The following COL4A2 variants were observed in gnomAD, a reference collection of about 807,000 sequenced individuals.
The protein encoded by COL4A2 is collagen type IV alpha 2 chain, also known as collagen alpha-2(IV) chain.
Under a neutral mutation model 200.2 loss-of-function variants are expected in COL4A2, and 99 were observed. That is an observed-to-expected ratio of 0.49 (90% CI 0.42 to 0.58). COL4A2 has a LOEUF of 0.58. Among genes scored for constraint, COL4A2 ranks in the 20% least tolerant of loss-of-function variants. The pLI, the probability that COL4A2 is intolerant of heterozygous loss-of-function variation, is 0.00. For missense variants in COL4A2, 1,950 were observed against 2,314.1 expected (o/e 0.84, Z 3.23); for synonymous variants, 897 against 900.6 (o/e 1.00, Z 0.07).
chr13:110,496,481 G>A (rs972669761), intron 40 of COL4A2, among the ~76,000 whole-genome samples: 7 of 152,238 alleles, frequency 4.6e-5, no homozygotes, highest in Non-Finnish European at 7.3e-5. Context: ...CTGGGAGGCT[G>A]CATGGTGCTG....
At chr13:110,393,481 C>T (rs550583266) in intron 4 of COL4A2, among the ~76,000 whole-genome samples, 37 of 151,686 alleles carry the variant, frequency 2.4e-4, no homozygotes, top group Non-Finnish European at 4.9e-4. Flanking sequence ...AATTCTTTGT[C>T]TGAGTAGTGA....
chr13:110,330,380 A>G (rs1313325196), intron 3 of COL4A2, among the ~76,000 whole-genome samples: 1 of 152,002 alleles, frequency 6.6e-6, no homozygotes, highest in African/African-American at 2.4e-5. Flanking sequence ...GCGAGTCGGA[A>G]TGAAGCTGGG....
chr13:110,367,676 A>G (rs908645972), intron 4 of COL4A2, among the ~76,000 whole-genome samples: 4 of 152,280 alleles, frequency 2.6e-5, no homozygotes, highest in African/African-American at 9.6e-5. Flanking sequence ...TGAAAGGAAT[A>G]TTGCCGTGGC....
intron 6 of COL4A2, among the ~76,000 whole-genome samples, chr13:110,426,738 TAAGA>T (rs1165688508): frequency 4.6e-5 from 7 of 152,192 alleles, no homozygotes; most frequent in Admixed American, 2.6e-4. Flanking sequence ...TCTAAGCAAG[TAAGA>T]AAGACCAACG....
chr13:110,329,388 G>A (rs1875800323), intron 3 of COL4A2, among the ~76,000 whole-genome samples: 1 of 152,228 alleles, frequency 6.6e-6, no homozygotes, highest in South Asian at 2.1e-4. Flanking sequence ...GGAGAAGGAA[G>A]ATAGAGCCAG....
chr13:110,411,734 G>A (rs1206757810), intron 4 of COL4A2, among the ~76,000 whole-genome samples: 1 of 152,192 alleles, frequency 6.6e-6, no homozygotes, highest in Non-Finnish European at 1.5e-5. Flanking sequence ...GCTTCAGGAA[G>A]ATCAGTGGAA....
chr13:110,446,380 G>A (rs886909496), intron 17 of COL4A2, among the ~76,000 whole-genome samples: 6 of 152,144 alleles, frequency 3.9e-5, no homozygotes, highest in Admixed American at 2.6e-4. Context: ...GGTGGTGCGC[G>A]GGATGCTGCC....
intron 4 of COL4A2, among the ~76,000 whole-genome samples, chr13:110,405,753 T>C (rs1175319808): frequency 6.6e-6 from 1 of 152,226 alleles, no homozygotes; most frequent in Non-Finnish European, 1.5e-5. Context: ...TTTTGGTTTC[T>C]GGGGTTTTCT....
At chr13:110,468,451 G>A (rs770900020) in intron 27 of COL4A2, 11 of 394,006 alleles carry the variant, frequency 2.8e-5, no homozygotes, top group South Asian at 9.3e-5. Flanking sequence ...GACTACAGCC[G>A]TGTGCCAAGG....
chr13:110,352,096 CATGATGATGATG>C (rs552792009), intron 3 of COL4A2, among the ~76,000 whole-genome samples: 1 of 151,998 alleles, frequency 6.6e-6, no homozygotes, highest in Non-Finnish European at 1.5e-5. Context: ...TGATAATGAT[CATGATGATGATG>C]ATGATGACGA....
Position 110,484,214 on chromosome 13 carries a change from G to A in COL4A2, c.2903-691G>A, listed in dbSNP as rs150484076. ...TGTCTGTCCCTCCACTGGTGGGCACGCTCTGTGGGGTCAGGACCAATTTAT... is the reference window on the plus strand; with the variant it reads ...TGTCTGTCCCTCCACTGGTGGGCACACTCTGTGGGGTCAGGACCAATTTAT... On this transcript the variant is annotated intron_variant, in intron 32 of 47. Transcript: ENST00000360467. Among the ~76,000 whole-genome samples, 235 of 152,202 alleles carry A rather than the reference G, an allele frequency of 1.5e-3. 1 individual carries two copies. Among genetic ancestry groups the A allele is most frequent in the Middle Eastern group, 3.4e-3 (1 of 294 alleles).
intron 3 of COL4A2, among the ~76,000 whole-genome samples, chr13:110,312,379 A>G (rs984784754): frequency 1.3e-5 from 2 of 152,226 alleles, no homozygotes; most frequent in African/African-American, 4.8e-5. Context: ...GAAGAGGAAA[A>G]GGTTCTAGAA....
intron 3 of COL4A2, among the ~76,000 whole-genome samples, chr13:110,318,084 C>T (rs975210137): frequency 6.6e-6 from 1 of 152,140 alleles, no homozygotes; most frequent in Non-Finnish European, 1.5e-5. Flanking sequence ...TTGAGCCCAG[C>T]GACTGGGAAA....
rs554121587 is a variant in COL4A2 at position 110,470,052 on chromosome 13, T to C, written c.2203+728T>C. Among the ~76,000 whole-genome samples, 9 of 152,060 alleles carry C rather than the reference T, an allele frequency of 5.9e-5. No individual in the cohort carries two copies. The South Asian group carries it at 1.9e-3, about 32-fold the overall frequency. ...GCCTCAGCCTCCTGAGTAGCTGGGA[T>C]TACAGGCATGTGCCACCACACCTGG... is the stretch of plus-strand genomic sequence containing the variant. On this transcript the variant is annotated intron_variant, in intron 28 of 47. Transcript: ENST00000360467.
At chr13:110,430,378 T>G (rs1880630720) in intron 8 of COL4A2, 23 bp from the exon 9 acceptor site, 2 of 1,606,330 alleles carry the variant, frequency 1.2e-6, no homozygotes, top group East Asian at 4.5e-5. Context: ...CTATCACTCT[T>G]AAAATTATTT....
intron 32 of COL4A2, among the ~76,000 whole-genome samples, chr13:110,482,970 GA>G (rs34997070): frequency 6.6e-6 from 1 of 152,164 alleles, no homozygotes; most frequent in Non-Finnish European, 1.5e-5. Context: ...TAAACATGAA[GA>G]GGGGGCGGTG....
intron 4 of COL4A2, among the ~76,000 whole-genome samples, chr13:110,412,692 C>T (rs934396725): frequency 5.3e-5 from 8 of 152,242 alleles, no homozygotes; most frequent in African/African-American, 1.9e-4. Context: ...GCAGGTCTGG[C>T]TTATCACCGA....
chr13:110,503,093 C>T (rs1883707492), intron 41 of COL4A2, 28 bp from the exon 42 acceptor site: 6 of 1,609,168 alleles, frequency 3.7e-6, no homozygotes, highest in South Asian at 2.2e-5. Context: ...CTGTTTAAAC[C>T]CTCCTTTCTT....
At chr13:110,403,578 G>A (rs137962657) in intron 4 of COL4A2, among the ~76,000 whole-genome samples, 6 of 152,196 alleles carry the variant, frequency 3.9e-5, no homozygotes, top group African/African-American at 1.4e-4. Flanking sequence ...GACCACTTAG[G>A]GAATCTCTAA....
Sources: allele counts gnomAD v4.1 joint callset (sites outside exome capture counted in the v4.1 genomes callset), GRCh38; gene constraint gnomAD v4.1.1; transcripts MANE v1.5; gene names NCBI Gene and HGNC (gene_info 2026-07-23, HGNC 2026-07-21).